Variants in RNASE4 observed in about 807,000 individuals in gnomAD.
RNASE4 encodes ribonuclease A family member 4, also known as ribonuclease 4.
For synonymous variants in RNASE4, 93 were observed against 71.4 expected (o/e 1.30, Z -1.52); for missense variants, 194 against 192.8 (o/e 1.01, Z -0.04).
At chr14:20,694,154 T>A in intron 1 of RNASE4, 1 of 847,886 alleles carries the variant, frequency 1.2e-6, no homozygotes, top group Non-Finnish European at 1.9e-6. Context: ...ACAACATGTT[T>A]AATAAATAAA....
At chr14:20,696,515 G>A (rs1887099427) in intron 1 of RNASE4, among the ~76,000 whole-genome samples, 1 of 152,064 alleles carries the variant, frequency 6.6e-6, no homozygotes, top group South Asian at 2.1e-4. Flanking sequence ...ATAGTGACAT[G>A]CAAGGAAGAA....
intron 1 of RNASE4, among the ~76,000 whole-genome samples, chr14:20,696,482 C>G (rs1887098590): frequency 6.6e-6 from 1 of 151,926 alleles, no homozygotes; most frequent in Admixed American, 6.6e-5. Flanking sequence ...AGGAACACTC[C>G]AAAATGCTAA....
chr14:20,689,250 C>G (rs1886573594), intron 1 of RNASE4, among the ~76,000 whole-genome samples: 1 of 152,342 alleles, frequency 6.6e-6, no homozygotes, highest in Admixed American at 6.5e-5. Flanking sequence ...TTCCTTCTAA[C>G]CTTCCCTGCT....
intron 1 of RNASE4, among the ~76,000 whole-genome samples, chr14:20,696,817 C>T (rs980667562): frequency 6.6e-6 from 1 of 151,866 alleles, no homozygotes. Flanking sequence ...GATTGATTTT[C>T]TTTTCATAAC....
At chr14:20,688,914 C>A (rs1886553562) in intron 1 of RNASE4, 6 of 952,360 alleles carry the variant, frequency 6.3e-6, no homozygotes, top group South Asian at 9.7e-5. Flanking sequence ...TTATTTCTAG[C>A]CATCCATCCA....
chr14:20,687,076 GCAATTGGCGATT>G (rs1350449532), intron 1 of RNASE4, among the ~76,000 whole-genome samples: 1 of 152,126 alleles, frequency 6.6e-6, no homozygotes, highest in African/African-American at 2.4e-5. Flanking sequence ...GAGGTTTTTT[GCAATTGGCGATT>G]CCTTCATTTG....
intron 1 of RNASE4, among the ~76,000 whole-genome samples, chr14:20,690,234 A>G (rs1339951431): frequency 2.0e-5 from 3 of 149,996 alleles, no homozygotes; most frequent in Non-Finnish European, 1.5e-5. Context: ...AAAAAAAAAA[A>G]AAAAAAAAAA....
chr14:20,698,351 T>A (rs1257419620), intron 1 of RNASE4, among the ~76,000 whole-genome samples: 2 of 152,206 alleles, frequency 1.3e-5, no homozygotes, highest in Non-Finnish European at 2.9e-5. Context: ...TGGCCTAGAT[T>A]TTTTAGGTTA....
intron 1 of RNASE4, among the ~76,000 whole-genome samples, chr14:20,693,201 G>T (rs1886890355): frequency 6.6e-6 from 1 of 152,218 alleles, no homozygotes; most frequent in Non-Finnish European, 1.5e-5. Context: ...CTGGTACCCA[G>T]TAGAGACCTA....
chr14:20,690,221 CAAAAAAAAAAAAAAA>C (rs36091065), intron 1 of RNASE4, among the ~76,000 whole-genome samples: 9 of 67,980 alleles, frequency 1.3e-4, no homozygotes, highest in South Asian at 6.8e-4. Flanking sequence ...GACTCCGTCT[CAAAAAAAAAAAAAAA>C]AAAAAAAAAA....
chr14:20,693,015 T>G (rs1886865124), intron 1 of RNASE4, among the ~76,000 whole-genome samples: 2 of 151,492 alleles, frequency 1.3e-5, no homozygotes, highest in Admixed American at 1.3e-4. Context: ...GCCCGGCTAA[T>G]TTTTTGTATT....
intron 1 of RNASE4, chr14:20,693,394 G>T (rs1030474481): frequency 2.1e-6 from 2 of 961,118 alleles, no homozygotes; most frequent in Non-Finnish European, 3.1e-6. Context: ...GACGAAGTGT[G>T]AGGTTAATGA....
intron 1 of RNASE4, chr14:20,693,632 T>G (rs1239441971): frequency 6.2e-7 from 1 of 1,614,114 alleles, no homozygotes; most frequent in African/African-American, 1.3e-5. Context: ...CCACCGACCC[T>G]GGCTCAGGAT....
chr14:20,691,746 A>G (rs900822541), intron 1 of RNASE4, among the ~76,000 whole-genome samples: 1 of 152,250 alleles, frequency 6.6e-6, no homozygotes, highest in Non-Finnish European at 1.5e-5. Context: ...AGTAAATAGC[A>G]GCTGGAAATG....
intron 1 of RNASE4, among the ~76,000 whole-genome samples, chr14:20,698,534 A>G (rs1242902604): frequency 6.6e-6 from 1 of 152,134 alleles, no homozygotes; most frequent in African/African-American, 2.4e-5. Context: ...TAGCTTACTC[A>G]TTTCACTTAT....
intron 1 of RNASE4, among the ~76,000 whole-genome samples, chr14:20,689,729 C>T (rs374751653): frequency 1.3e-5 from 2 of 151,742 alleles, no homozygotes; most frequent in South Asian, 4.2e-4. Flanking sequence ...CCAGCCTGGC[C>T]GACATGGCGA....
intron 1 of RNASE4, among the ~76,000 whole-genome samples, chr14:20,690,609 T>C (rs1250065729): frequency 1.3e-5 from 2 of 152,208 alleles, no homozygotes; most frequent in East Asian, 1.9e-4. Flanking sequence ...ACTAAACTTA[T>C]ACAAAATTTG....
Position 20,687,624 on chromosome 14 carries a change from C to CA in RNASE4, c.-18+2866_-18+2867insA, listed in dbSNP as rs1321355069. 2.0e-5 allele frequency among the ~76,000 whole-genome samples: 3 copies of CA among 152,338 alleles called. No homozygotes were observed. In the South Asian group the frequency reaches 6.2e-4, roughly 32 times the overall value. ...TTCAAAGTCTGACTCCACCATTCAT[C>CA]TGCTGTTTGTTCTTGGAGTTTCCTC... is the stretch of plus-strand genomic sequence containing the variant. On this transcript the variant is annotated intron_variant, in intron 1 of 1. Coordinates refer to ENST00000555835, the MANE Select transcript of RNASE4 (RefSeq NM_002937.5).
At chr14:20,685,033 G>C (rs1886358141) in intron 1 of RNASE4, among the ~76,000 whole-genome samples, 1 of 152,158 alleles carries the variant, frequency 6.6e-6, no homozygotes, top group Admixed American at 6.5e-5. Context: ...CAGAATCGCC[G>C]AACCTAAGGG....
Sources: gnomAD v4.1 joint callset for allele counts (sites outside exome capture counted in the v4.1 genomes callset) on GRCh38, gnomAD v4.1.1 for gene constraint, MANE v1.5 for transcripts, NCBI Gene and HGNC (gene_info 2026-07-23, HGNC 2026-07-21) for gene names.